TNS2: variants seen among roughly 807,000 people sequenced by gnomAD.
The protein encoded by TNS2 is tensin-2.
In TNS2, 77 loss-of-function variants were observed where a neutral mutation model predicts 155.7. That is an observed-to-expected ratio of 0.49 (90% CI 0.41 to 0.60). TNS2 has a LOEUF of 0.60. TNS2 is among the 20% of genes least tolerant of loss of function. TNS2 has a pLI of 0.00. For synonymous variants in TNS2, 726 were observed against 763.9 expected (o/e 0.95, Z 0.82); for missense variants, 1,703 against 1,868.8 (o/e 0.91, Z 1.64).
At chr12:53,062,091 A>G in intron 22 of TNS2, 62 bp from the exon 23 acceptor site, 2 of 1,611,974 alleles carry the variant, frequency 1.2e-6, no homozygotes, top group Non-Finnish European at 1.7e-6. Context: ...AAAGAATCCC[A>G]TTAGGGAAGA....
rs548948618 is a variant in TNS2 at position 53,062,424 on chromosome 12, T to C, written c.3716T>C (p.Leu1239Pro). Reference protein sequence around the residue: ...VSQHSISPISLPCCLRIPSKD... With the variant: ...VSQHSISPISPPCCLRIPSKD... ...CAGCACTCCATCTCCCCCATCTCCC[T>C]GCCCTGCTGCCTGCGCATTCCCAGC... is the stretch of plus-strand genomic sequence containing the variant. Residue 1239 changes from leucine to proline, a missense_variant, in exon 24 of 29, where the codon CTG (leucine) becomes CCG (proline). Transcript: ENST00000314250. 6.2e-7 allele frequency: 1 copy of C among 1,614,040 alleles called. No individual in the cohort carries two copies. Among genetic ancestry groups the C allele is most frequent in the South Asian group, 1.1e-5 (1 of 91,084 alleles).
chr12:53,047,552 G>A (rs1287470485), upstream of TNS2, among the ~76,000 whole-genome samples: 2 of 150,344 alleles, frequency 1.3e-5, no homozygotes, highest in South Asian at 4.1e-4. Context: ...TGGGAGCAGC[G>A]GGAGGCCGGG....
At position 53,058,807 on chromosome 12, in the gene TNS2, A is replaced by G. The variant is rs773509937; in HGVS notation, c.1385A>G (p.His462Arg). The part of the protein sequence containing the change: ...RWDSYENFNQ[H>R]HEDSVDGSLT... ...GACTCCTATGAGAACTTCAACCAGC[A>G]CCACGAGGACAGTGTGGATGGTGCG... The change falls in exon 17 of 29, where the codon CAC (histidine) becomes CGC (arginine). Residue 462 changes from histidine (H) to arginine (R), a missense_variant. His to Arg is a conservative substitution (Grantham distance 29). Transcript: ENST00000314250. The G allele has an allele frequency of 6.2e-7, 1 of 1,613,712 alleles. No individual in the cohort carries two copies. Among genetic ancestry groups the G allele is most frequent in the African/African-American group, 1.3e-5 (1 of 74,982 alleles).
In TNS2 at chr12:53,058,593, C is replaced by A; in HGVS notation, c.1247C>A (p.Ala416Asp). 6.2e-7 allele frequency: 1 copy of A among 1,614,112 alleles called. No individual in the cohort carries two copies. The highest frequency in any genetic ancestry group is 8.5e-7 in the Non-Finnish European group (1 of 1,180,010). ...ATAGATGAGAGGTTCCCCTTCCAAG[C>A]CTCCGTGGAGTTTGTCTTCTCCTCC... Reference protein sequence around the residue: ...AWTDERFPFQASVEFVFSSSP... With the variant: ...AWTDERFPFQDSVEFVFSSSP... Residue 416 changes from alanine (A) to aspartate (D), a missense_variant, in exon 16 of 29, where the codon GCC (alanine) becomes GAC (aspartate). Physicochemically the swap from Ala to Asp is moderately radical, Grantham distance 126. Transcript: ENST00000314250.
At chr12:53,062,830 A>C in intron 25 of TNS2, 133 bp downstream of exon 25, 2 of 1,129,422 alleles carry the variant, frequency 1.8e-6, no homozygotes, top group Non-Finnish European at 2.5e-6. Flanking sequence ...GGAGCCCCAT[A>C]CTGTCGGGGA....
chr12:53,053,978 C>A lies in TNS2; in HGVS notation c.314C>A (p.Ser105Tyr), dbSNP rs148246926. The change falls in exon 6 of 29, where the codon TCT (serine) becomes TAT (tyrosine). Residue 105 changes from serine to tyrosine, a missense_variant. Transcript: ENST00000314250. ...RRIEHLGSTKSLNHSKQRSTL... is the reference protein window; with the variant it reads ...RRIEHLGSTKYLNHSKQRSTL... ...GTTAACCACCAGGGATCCACCAAAT[C>A]TCTGAACCACTCAAAGCAGCGCAGC... 6.2e-7 allele frequency: 1 copy of A among 1,614,090 alleles called. No homozygotes were observed. The highest frequency in any genetic ancestry group is 1.3e-5 in the African/African-American group (1 of 74,932).
At position 53,063,693 on chromosome 12, in the gene TNS2, T is replaced by C. The variant is rs765703342; in HGVS notation, c.4092-51T>C. On this transcript the variant is annotated intron_variant, in intron 28 of 28. Transcript: ENST00000314250. This position sits in a 1 kb window ranked among gnomAD's most constrained non-coding sequence, Gnocchi z 5.6. ...ATTTGTCTCACCAAGGCCAGCTACA[T>C]TCCCTTGTGGAAGGAATGTTAAGCC... The C allele has an allele frequency of 1.9e-6, 3 of 1,613,920 alleles. No homozygotes were observed. The East Asian group carries it at 6.7e-5, about 36-fold the overall frequency.
chr12:53,061,144 C>A lies in TNS2; in HGVS notation c.3238C>A (p.Pro1080Thr). 1 of 1,609,354 alleles carries A rather than the reference C, an allele frequency of 6.2e-7. No individual in the cohort carries two copies. The highest frequency in any genetic ancestry group is 1.1e-5 in the South Asian group (1 of 90,438). ...CCCACTTCCTGAGAAACGCCACCTGCCCGGGCCGGGGCAACAGCCAGGACC... is the reference window on the plus strand; with the variant it reads ...CCCACTTCCTGAGAAACGCCACCTGACCGGGCCGGGGCAACAGCCAGGACC... ...QPPLPEKRHL[P>T]GPGQQPGPWG... The change falls in exon 20 of 29, where the codon CCC becomes ACC. Residue 1080 changes from proline to threonine, a missense_variant. By Grantham distance (38) the Pro-to-Thr change is conservative. Coordinates refer to ENST00000314250, the MANE Select transcript of TNS2 (RefSeq NM_170754.4).
At chr12:53,052,644 G>A (rs1426171528) in intron 3 of TNS2, 152 bp downstream of exon 3, 2 of 1,055,698 alleles carry the variant, frequency 1.9e-6, no homozygotes, top group African/African-American at 1.6e-5. Context: ...TGCTGTACTG[G>A]GCCCTTTAAG....
chr12:53,062,940 ATCCAG>A, intron 25 of TNS2, 144 bp from the exon 26 acceptor site: 1 of 1,109,628 alleles, frequency 9.0e-7, no homozygotes, highest in Admixed American at 2.7e-5. Context: ...CTGACTGTAG[ATCCAG>A]TAGAGTCATG....
intron 2 of TNS2, chr12:53,052,171 TC>T: frequency 1.6e-6 from 1 of 608,450 alleles, no homozygotes; most frequent in Non-Finnish European, 2.9e-6. Flanking sequence ...GCCAGTACTC[TC>T]CATCACCTTC....
At chr12:53,054,946 G>A (rs143431047) in intron 7 of TNS2, among the ~76,000 whole-genome samples, 53 of 149,308 alleles carry the variant, frequency 3.5e-4, no homozygotes, top group African/African-American at 1.2e-3. Context: ...TCCACACCCG[G>A]CAAATTGTTG....
At chr12:53,047,802 A>G (rs1943780194), upstream of TNS2, among the ~76,000 whole-genome samples, 1 of 152,144 alleles carries the variant, frequency 6.6e-6, no homozygotes, top group African/African-American at 2.4e-5. Flanking sequence ...TCGACTCGCC[A>G]GCCCCGCTCT....
chr12:53,057,917 G>C, intron 13 of TNS2, 84 bp downstream of exon 13: 1 of 1,609,376 alleles, frequency 6.2e-7, no homozygotes, highest in South Asian at 1.1e-5. Flanking sequence ...AGCCTCCCTA[G>C]ACACCTGGGC....
At position 53,062,383 on chromosome 12, in the gene TNS2, G is replaced by A; in HGVS notation, c.3675G>A (p.Leu1225=). Residue 1225 remains leucine, a synonymous_variant, in exon 24 of 29, where the codon CTG becomes CTA. Coordinates refer to ENST00000314250, the MANE Select transcript of TNS2 (RefSeq NM_170754.4). ...GCPSEPYFGS[L]SALVSQHSIS... ...CTACCTCCTCTCCCACAGGCAGCCTGTCCGCCTTGGTCTCCCAGCACTCCA... is the reference window on the plus strand; with the variant it reads ...CTACCTCCTCTCCCACAGGCAGCCTATCCGCCTTGGTCTCCCAGCACTCCA... 1 of 1,613,986 alleles carries A rather than the reference G, an allele frequency of 6.2e-7. No individual in the cohort carries two copies. The highest frequency in any genetic ancestry group is 1.3e-5 in the African/African-American group (1 of 75,006).
upstream of TNS2, chr12:53,047,126 G>T: frequency 6.6e-6 from 1 of 152,608 alleles, no homozygotes; most frequent in South Asian, 1.9e-4. Flanking sequence ...GGAGCTGGCG[G>T]AACGTGGGGA....
chr12:53,053,122 C>T (rs1944000546), intron 3 of TNS2: 2 of 447,940 alleles, frequency 4.5e-6, no homozygotes, highest in South Asian at 2.1e-5. Context: ...CATCCCTGGC[C>T]ATGGCCTGCC....
At position 53,063,421 on chromosome 12, in the gene TNS2, A is replaced by G; in HGVS notation, c.4061+4A>G. ...GCACTGACCCTCAAGACCGGAGGTGACTCTCCCTCCAAACCCTTTGCCCCA... is the reference window on the plus strand; with the variant it reads ...GCACTGACCCTCAAGACCGGAGGTGGCTCTCCCTCCAAACCCTTTGCCCCA... On this transcript the variant is annotated splice_donor_region_variant and intron_variant, in intron 27 of 28. Coordinates refer to ENST00000314250, the MANE Select transcript of TNS2 (RefSeq NM_170754.4). The surrounding 1 kb of genome is among the most constrained non-coding windows in gnomAD (Gnocchi z 5.6). The G allele has an allele frequency of 6.2e-7, 1 of 1,612,680 alleles. No individual in the cohort carries two copies. The highest frequency in any genetic ancestry group is 8.5e-7 in the Non-Finnish European group (1 of 1,179,712).
At position 53,059,749 on chromosome 12, in the gene TNS2, C is replaced by T; in HGVS notation, c.2108C>T (p.Ala703Val). 6.2e-6 allele frequency: 10 copies of T among 1,612,844 alleles called. No homozygotes were observed. The highest frequency in any genetic ancestry group is 7.6e-6 in the Non-Finnish European group (9 of 1,179,764). ...GAGAAGCTGGCGCTGCCTACAGCAG[C>T]CTTGTATGGACTGCGGCTGGAGAGG... is the stretch of plus-strand genomic sequence containing the variant. ...CEEKLALPTA[A>V]LYGLRLEREA... is the part of the protein sequence containing the mutation. The change falls in exon 18 of 29, where the codon GCC becomes GTC. Residue 703 changes from alanine (A) to valine (V), a missense_variant. By Grantham distance (64) the Ala-to-Val change is moderately conservative. Transcript: ENST00000314250. The surrounding 1 kb of genome is among the most constrained non-coding windows in gnomAD (Gnocchi z 4.7).
Sources: allele counts gnomAD v4.1 joint callset (sites outside exome capture counted in the v4.1 genomes callset), GRCh38; gene constraint gnomAD v4.1.1; non-coding constraint Gnocchi (gnomAD v3.1); transcripts MANE v1.5; gene names NCBI Gene and HGNC (gene_info 2026-07-23, HGNC 2026-07-21).